Variants in INO80 observed in about 807,000 individuals in gnomAD.
INO80 encodes INO80 complex ATPase subunit, also known as chromatin-remodeling ATPase INO80.
Under a neutral mutation model 203.4 loss-of-function variants are expected in INO80, and 20 were observed. The observed-to-expected ratio is 0.10, with a 90% CI of 0.07 to 0.14. The LOEUF (loss-of-function observed/expected upper bound fraction) is 0.14. Ranked by LOEUF, INO80 falls within the 10% of genes least tolerant of loss-of-function variation. The pLI, the probability that INO80 is intolerant of heterozygous loss-of-function variation, is 1.00. For synonymous variants in INO80, 726 were observed against 685.2 expected, an observed-to-expected ratio of 1.06 and a Z score of -0.93; for missense variants, 1,419 against 1,914.4, an observed-to-expected ratio of 0.74 and a Z score of 4.83.
At chr15:41,096,516 T>C (rs961218904) in intron 1 of INO80, among the ~76,000 whole-genome samples, 163 bp from the exon 2 acceptor site, 1 of 152,200 alleles carries the variant, frequency 6.6e-6, no homozygotes, top group Non-Finnish European at 1.5e-5. Context: ...TGTTAGACAC[T>C]GCCTCCTAAA....
chr15:41,005,566 A>C, intron 28 of INO80, 27 bp downstream of exon 28: 6 of 1,290,802 alleles, frequency 4.6e-6, no homozygotes, highest in Non-Finnish European at 6.6e-6. Context: ...TTAAAAAGAT[A>C]ATTTTTGTAA....
At chr15:41,045,855 C>T (rs184004786) in intron 23 of INO80, among the ~76,000 whole-genome samples, 8 of 151,500 alleles carry the variant, frequency 5.3e-5, no homozygotes, top group Admixed American at 2.0e-4. Flanking sequence ...GAGCCAAAAT[C>T]GAGCCACTGC....
intron 14 of INO80, among the ~76,000 whole-genome samples, chr15:41,062,012 C>A (rs958241692): frequency 3.9e-5 from 6 of 151,924 alleles, no homozygotes; most frequent in Non-Finnish European, 7.4e-5. Context: ...TTTTGTTGTT[C>A]TGAAAAATTT....
chr15:41,054,161 GT>G, intron 18 of INO80, 147 bp from the exon 19 acceptor site: 1 of 604,402 alleles, frequency 1.7e-6, no homozygotes, highest in South Asian at 2.5e-5. Flanking sequence ...TTTTTCCCAA[GT>G]AGGAAAGCAA....
At chr15:41,102,534 G>A (rs2045824136) in intron 1 of INO80, among the ~76,000 whole-genome samples, 1 of 151,938 alleles carries the variant, frequency 6.6e-6, no homozygotes, top group Non-Finnish European at 1.5e-5. Context: ...CAGGTGTGGT[G>A]GCGGGTTTGC....
rs780756356 is a variant in INO80, at chr15:41,021,009, A to C, written c.3165T>G (p.Pro1055=). The change falls in exon 26 of 36, where the codon CCT becomes CCG. Residue 1055 remains proline (P), a synonymous_variant. Coordinates refer to ENST00000648947, the MANE Select transcript of INO80 (RefSeq NM_017553.3). ...TATTTAGCCAGTCTGCAGCCAGTTCAGGGGCCCCATTCAACAAACACTGCT... is the reference window on the plus strand; with the variant it reads ...TATTTAGCCAGTCTGCAGCCAGTTCCGGGGCCCCATTCAACAAACACTGCT... ...AAKQCLLNGA[P]ELAADWLNRR... The C allele has an allele frequency of 6.2e-7, 1 of 1,614,052 alleles. No homozygotes were observed. Among genetic ancestry groups the C allele is most frequent in the Non-Finnish European group, 8.5e-7 (1 of 1,179,906 alleles).
intron 14 of INO80, among the ~76,000 whole-genome samples, chr15:41,069,049 C>T (rs1186547453): frequency 6.6e-6 from 1 of 152,164 alleles, no homozygotes; most frequent in African/African-American, 2.4e-5. Flanking sequence ...ATCCATTTAT[C>T]AGGCTAAATG....
rs771760236 is a variant in INO80 at position 41,027,610 on chromosome 15, C to T, written c.3034G>A (p.Val1012Met). The change falls in exon 25 of 36, where the codon GTG becomes ATG. Residue 1012 changes from valine (V) to methionine (M), a missense_variant. By Grantham distance (21) the Val-to-Met change is conservative. Transcript: ENST00000648947. Reference sequence around the variant, plus strand: ...GGAGCACTTACTCGTGGACTGGCCACACACAAAAAAGATGGCAGCTCAGTG... The same window carrying T: ...GGAGCACTTACTCGTGGACTGGCCATACACAAAAAAGATGGCAGCTCAGTG... ...LLTELPSFLCVASPRVTAVPL... is the reference protein window; with the variant it reads ...LLTELPSFLCMASPRVTAVPL... 1 of 1,612,294 alleles carries T rather than the reference C, an allele frequency of 6.2e-7. No individual in the cohort carries two copies. The highest frequency in any genetic ancestry group is 1.1e-5 in the South Asian group (1 of 90,734).
At chr15:41,014,633 G>T (rs1183769042) in intron 27 of INO80, among the ~76,000 whole-genome samples, 1 of 152,132 alleles carries the variant, frequency 6.6e-6, no homozygotes, top group East Asian at 1.9e-4. Context: ...AAACCAGAGA[G>T]TTTAGTCTGT....
chr15:41,103,995 C>T (rs2045844505), intron 1 of INO80, among the ~76,000 whole-genome samples: 1 of 151,924 alleles, frequency 6.6e-6, no homozygotes, highest in Non-Finnish European at 1.5e-5. Flanking sequence ...GAAGGCTGAT[C>T]ACCTGAGGTC....
chr15:41,100,978 C>T (rs1306038585), intron 1 of INO80, among the ~76,000 whole-genome samples: 2 of 151,842 alleles, frequency 1.3e-5, no homozygotes, highest in African/African-American at 4.8e-5. Flanking sequence ...TACAGGCGCA[C>T]CCCACCACAC....
chr15:41,053,793 T>C, intron 19 of INO80, 136 bp downstream of exon 19: 1 of 518,338 alleles, frequency 1.9e-6, no homozygotes, highest in East Asian at 2.9e-5. Context: ...TCATTTTAAG[T>C]CCTCTTTGAT....
In INO80 at chr15:41,071,788, T is replaced by C. The variant is rs144856133; in HGVS notation, c.1605+61A>G. Reference sequence around the variant, plus strand: ...ATCTTGTACTCATTTCACAATCACATTGAACAAATGACTTTAGGAAAAGAG... The same window carrying C: ...ATCTTGTACTCATTTCACAATCACACTGAACAAATGACTTTAGGAAAAGAG... On this transcript the variant is annotated intron_variant, in intron 12 of 35. Coordinates refer to ENST00000648947, the MANE Select transcript of INO80 (RefSeq NM_017553.3). The C allele has an allele frequency of 4.8e-4, 693 of 1,432,520 alleles. 2 individuals carry two copies. In the African/African-American group the frequency reaches 6.6e-3, roughly 14 times the overall value. The allele number at this position is 1,432,520 out of a possible 1,614,324, so 88.7% of individuals were successfully genotyped here.
Position 40,987,087 on chromosome 15 carries a change from A to G in INO80, c.3832+4T>C, listed in dbSNP as rs2043746523. ...GGGAGTGTATAGAGGTTTAGAGTAC[A>G]TACGTTTCTTCTCCAACTCTTCGTC... On this transcript the variant is annotated splice_donor_region_variant and intron_variant, in intron 31 of 35. Transcript: ENST00000648947. 2 of 1,554,454 alleles carry G rather than the reference A, an allele frequency of 1.3e-6. No individual in the cohort carries two copies. The highest frequency in any genetic ancestry group is 1.8e-6 in the Non-Finnish European group (2 of 1,125,654).
intron 24 of INO80, among the ~76,000 whole-genome samples, chr15:41,031,631 A>G: frequency 3.8e-5 from 1 of 26,010 alleles, no homozygotes; most frequent in Non-Finnish European, 7.1e-5. Flanking sequence ...GAAGGGAGGA[A>G]GGGAGGAAGG....
intron 1 of INO80, among the ~76,000 whole-genome samples, chr15:41,107,831 G>C (rs2140703748): frequency 6.7e-6 from 1 of 150,220 alleles, no homozygotes; most frequent in African/African-American, 2.4e-5. Context: ...GCCGGGCATG[G>C]TGGCTCACGC....
intron 9 of INO80, among the ~76,000 whole-genome samples, chr15:41,078,684 C>T (rs2045440455): frequency 6.6e-6 from 1 of 152,150 alleles, no homozygotes; most frequent in Admixed American, 6.6e-5. Context: ...CACTAATTCC[C>T]TTCTTTCTTC....
intron 18 of INO80, 88 bp from the exon 19 acceptor site, chr15:41,054,102 C>T (rs2044939812): frequency 1.1e-6 from 1 of 949,224 alleles, no homozygotes; most frequent in Non-Finnish European, 1.6e-6. Context: ...TCTCACCAAA[C>T]TCTTCAAAAC....
intron 26 of INO80, chr15:41,018,140 C>T (rs2044238104): frequency 6.6e-6 from 1 of 151,938 alleles, no homozygotes; most frequent in Admixed American, 6.6e-5. Context: ...AAAAAAAAGA[C>T]CACATATTTT....
Sources: allele counts gnomAD v4.1 joint callset (sites outside exome capture counted in the v4.1 genomes callset), GRCh38; gene constraint gnomAD v4.1.1; transcripts MANE v1.5; gene names NCBI Gene and HGNC (gene_info 2026-07-23, HGNC 2026-07-21).